Variants in CACNB2 observed in about 807,000 individuals in gnomAD.
The protein encoded by CACNB2 is voltage-dependent L-type calcium channel subunit beta-2.
Under a neutral mutation model 73.3 loss-of-function variants are expected in CACNB2, and 42 were observed. The ratio of observed to expected loss-of-function variants is 0.57; its 90% CI spans 0.45 to 0.74. CACNB2 has a LOEUF of 0.74. Ranked by LOEUF, CACNB2 falls within the 30% of genes least tolerant of loss-of-function variation. CACNB2 has a pLI of 0.00. For synonymous variants in CACNB2, 348 were observed against 310.3 expected, an observed-to-expected ratio of 1.12 and a Z score of -1.28; for missense variants, 940 against 853.0, an observed-to-expected ratio of 1.10 and a Z score of -1.27.
At chr10:18,451,123 G>A (rs2047002995) in intron 3 of CACNB2, among the ~76,000 whole-genome samples, 1 of 152,202 alleles carries the variant, frequency 6.6e-6, no homozygotes, top group Non-Finnish European at 1.5e-5. Flanking sequence ...GGGAAAATTA[G>A]TGCAGAGCTG....
chr10:18,327,186 C>T (rs1171492129), intron 2 of CACNB2, among the ~76,000 whole-genome samples: 2 of 152,052 alleles, frequency 1.3e-5, no homozygotes, highest in Admixed American at 6.6e-5. Flanking sequence ...TGATGTTATT[C>T]CAGAGCACCT....
chr10:18,217,921 A>G (rs2035578254), intron 2 of CACNB2, among the ~76,000 whole-genome samples: 1 of 152,062 alleles, frequency 6.6e-6, no homozygotes, highest in Non-Finnish European at 1.5e-5. Context: ...CTTGGTTGAG[A>G]TGGTGGTGCA....
At chr10:18,355,285 T>A (rs2041862552) in intron 2 of CACNB2, among the ~76,000 whole-genome samples, 2 of 152,252 alleles carry the variant, frequency 1.3e-5, no homozygotes, top group Non-Finnish European at 2.9e-5. Context: ...GAGTTCTGGA[T>A]GAGAAGCTTA....
intron 2 of CACNB2, among the ~76,000 whole-genome samples, chr10:18,161,527 G>A (rs1270438682): frequency 6.6e-6 from 1 of 151,272 alleles, no homozygotes; most frequent in Non-Finnish European, 1.5e-5. Flanking sequence ...TAACCTTAAA[G>A]TTTAGTCCTA....
chr10:18,157,572 A>G (rs1408339214), intron 2 of CACNB2, among the ~76,000 whole-genome samples: 1 of 152,210 alleles, frequency 6.6e-6, no homozygotes, highest in Non-Finnish European at 1.5e-5. Context: ...AGTGTTCATT[A>G]AATGCTTACT....
chr10:18,488,660 A>G (rs945191744), intron 3 of CACNB2, among the ~76,000 whole-genome samples: 2 of 152,092 alleles, frequency 1.3e-5, no homozygotes, highest in African/African-American at 4.8e-5. Context: ...CCTGGGCCCA[A>G]TCTTTTTTTG....
chr10:18,241,768 CT>C lies in CACNB2; in HGVS notation c.213+90800del, dbSNP rs577069871. On this transcript the variant is annotated intron_variant, in intron 2 of 13. Coordinates refer to ENST00000324631, the MANE Select transcript of CACNB2 (RefSeq NM_201596.3). ...TTTATTTATATCTATATTTACTGAC[CT>C]TTTTTTGAACTTTTAATCTTTATAG... 1.2e-3 allele frequency among the ~76,000 whole-genome samples: 189 copies of C among 151,768 alleles called. 2 individuals are homozygous for C. Among genetic ancestry groups the C allele is most frequent in the African/African-American group, 4.4e-3 (183 of 41,400 alleles).
At chr10:18,500,335 G>A (rs943669807) in intron 4 of CACNB2, among the ~76,000 whole-genome samples, 12 of 152,138 alleles carry the variant, frequency 7.9e-5, no homozygotes, top group East Asian at 3.8e-4. Flanking sequence ...TGTGAACATC[G>A]CATTGTATAT....
At chr10:18,527,742 C>A in intron 10 of CACNB2, 45 bp downstream of exon 10, 2 of 1,197,638 alleles carry the variant, frequency 1.7e-6, no homozygotes, top group South Asian at 1.2e-5. Context: ...TCTCCTCTCC[C>A]GATGTTGATG....
intron 2 of CACNB2, among the ~76,000 whole-genome samples, chr10:18,213,942 A>G (rs1165836209): frequency 6.6e-6 from 1 of 152,178 alleles, no homozygotes; most frequent in Non-Finnish European, 1.5e-5. Flanking sequence ...TATTATTTGA[A>G]TATGTTCTCT....
At chr10:18,470,671 A>G (rs1228807402) in intron 3 of CACNB2, among the ~76,000 whole-genome samples, 1 of 152,082 alleles carries the variant, frequency 6.6e-6, no homozygotes. Context: ...ACCAGATCCT[A>G]TTACGCTATG....
In CACNB2 at chr10:18,262,240, T is replaced by C. The variant is rs921046895; in HGVS notation, c.213+111265T>C. Among the ~76,000 whole-genome samples, 5 of 146,804 alleles carry C rather than the reference T, an allele frequency of 3.4e-5. No homozygotes were observed. The South Asian group carries it at 1.1e-3, about 31-fold the overall frequency. On this transcript the variant is annotated intron_variant, in intron 2 of 13. Transcript: ENST00000324631. ...TGGAAAATTGGCCACAGAAAAGAGA[T>C]ATATGTGAGACTTACAGGACAAACA...
chr10:18,536,945 C>A (rs548062622), intron 12 of CACNB2, among the ~76,000 whole-genome samples: 1 of 152,120 alleles, frequency 6.6e-6, no homozygotes, highest in Admixed American at 6.6e-5. Flanking sequence ...TCTCACTTGT[C>A]GTCTATGCTT....
intron 3 of CACNB2, among the ~76,000 whole-genome samples, chr10:18,469,633 T>C (rs1431160038): frequency 6.6e-6 from 1 of 152,222 alleles, no homozygotes; most frequent in East Asian, 1.9e-4. Flanking sequence ...AGTAGTTCGG[T>C]TCTAACCTCT....
chr10:18,355,924 C>A (rs1197297221), intron 2 of CACNB2, among the ~76,000 whole-genome samples: 2 of 152,182 alleles, frequency 1.3e-5, no homozygotes. Context: ...GCGTGAGCCA[C>A]CATGCCCGGC....
intron 3 of CACNB2, among the ~76,000 whole-genome samples, chr10:18,447,581 G>T (rs1238196089): frequency 6.6e-6 from 1 of 152,138 alleles, no homozygotes; most frequent in Non-Finnish European, 1.5e-5. Flanking sequence ...GTTCAGCAAC[G>T]TCAAATGCTG....
At chr10:18,248,026 C>T (rs1254399073) in intron 2 of CACNB2, among the ~76,000 whole-genome samples, 2 of 152,160 alleles carry the variant, frequency 1.3e-5, no homozygotes, top group African/African-American at 4.8e-5. Context: ...CTAATCACCT[C>T]CCAAAGGCCT....
intron 2 of CACNB2, among the ~76,000 whole-genome samples, chr10:18,347,769 C>T (rs1035336659): frequency 2.0e-5 from 3 of 152,140 alleles, no homozygotes; most frequent in Admixed American, 6.5e-5. Context: ...ACAGGTATTT[C>T]TGCAACCTGA....
At chr10:18,402,178 A>G in intron 3 of CACNB2, 135 bp downstream of exon 3, 1 of 978,714 alleles carries the variant, frequency 1.0e-6, no homozygotes. Context: ...AGGTACAAAA[A>G]ATGGAGCCTA....
Sources: allele counts gnomAD v4.1 joint callset (sites outside exome capture counted in the v4.1 genomes callset), GRCh38; gene constraint gnomAD v4.1.1; transcripts MANE v1.5; gene names NCBI Gene and HGNC (gene_info 2026-07-23, HGNC 2026-07-21).